The following SKAP1 variants were observed in gnomAD, a reference collection of about 807,000 sequenced individuals.
SKAP1 encodes src kinase-associated phosphoprotein 1.
In SKAP1, 44 loss-of-function variants were observed where a neutral mutation model predicts 58.5. That is an observed-to-expected ratio of 0.75 (90% confidence interval 0.59 to 0.97). The LOEUF (loss-of-function observed/expected upper bound fraction) is 0.97. Ranked by LOEUF, SKAP1 falls within the 50% of genes least tolerant of loss-of-function variation. The pLI is 0.00. For synonymous variants in SKAP1, 127 were observed against 149.7 expected (o/e 0.85, Z 1.11); for missense variants, 390 against 435.2 (o/e 0.90, Z 0.92).
intron 4 of SKAP1, among the ~76,000 whole-genome samples, chr17:48,251,745 T>C (rs568633566): frequency 6.6e-6 from 1 of 152,286 alleles, no homozygotes; most frequent in Admixed American, 6.5e-5. Context: ...AGATTAGAAA[T>C]TTCATGTATC....
At chr17:48,171,319 T>C (rs540047697) in intron 9 of SKAP1, among the ~76,000 whole-genome samples, 1 of 152,142 alleles carries the variant, frequency 6.6e-6, no homozygotes, top group Non-Finnish European at 1.5e-5. Flanking sequence ...TTGATCAGGC[T>C]GGTCTCAAAC....
intron 4 of SKAP1, among the ~76,000 whole-genome samples, chr17:48,321,920 C>T (rs1489785124): frequency 6.6e-6 from 1 of 152,214 alleles, no homozygotes; most frequent in Non-Finnish European, 1.5e-5. Flanking sequence ...TCTTCACAAT[C>T]CATACCCAAA....
At chr17:48,257,973 A>C (rs1210129279) in intron 4 of SKAP1, among the ~76,000 whole-genome samples, 1 of 152,056 alleles carries the variant, frequency 6.6e-6, no homozygotes, top group African/African-American at 2.4e-5. Context: ...AAGCGACCCA[A>C]CATTAGAAAT....
At chr17:48,341,264 CT>C (rs931867192) in intron 4 of SKAP1, among the ~76,000 whole-genome samples, 1 of 152,146 alleles carries the variant, frequency 6.6e-6, no homozygotes, top group African/African-American at 2.4e-5. Flanking sequence ...TTAAGACAAA[CT>C]TGAACTCTGG....
intron 1 of SKAP1, among the ~76,000 whole-genome samples, chr17:48,416,021 G>C (rs1476803343): frequency 6.6e-6 from 1 of 152,152 alleles, no homozygotes; most frequent in Admixed American, 6.5e-5. Context: ...TTGAAAAGTA[G>C]TTTTTAAAAA....
intron 4 of SKAP1, among the ~76,000 whole-genome samples, chr17:48,252,529 C>T (rs1480120110): frequency 6.6e-6 from 1 of 152,124 alleles, no homozygotes; most frequent in African/African-American, 2.4e-5. Flanking sequence ...CTAGGAAAAT[C>T]CTTAAAATGA....
intron 4 of SKAP1, among the ~76,000 whole-genome samples, chr17:48,262,789 T>C (rs1402100499): frequency 6.6e-6 from 1 of 152,212 alleles, no homozygotes; most frequent in Non-Finnish European, 1.5e-5. Flanking sequence ...TTTTCCATGC[T>C]TTCCTGTCCC....
In SKAP1 at chr17:48,331,702, G is replaced by GAA. The variant is rs79313967; in HGVS notation, c.280+14201_280+14202dup. Reference sequence around the variant, plus strand: ...AAAAAGAGCGAAACTCCGTCTCAAGGAAAAAAAAAAAAAGATAATCATATA... The same window carrying GAA: ...AAAAAGAGCGAAACTCCGTCTCAAGGAAAAAAAAAAAAAAAGATAATCATATA... On this transcript the variant is annotated intron_variant, in intron 4 of 12. Coordinates refer to ENST00000336915, the MANE Select transcript of SKAP1 (RefSeq NM_003726.4). Among the ~76,000 whole-genome samples the GAA allele has an allele frequency of 1.3e-4, 18 of 133,844 alleles. 1 individual carries two copies. Among genetic ancestry groups the GAA allele is most frequent in the Admixed American group, 1.1e-3 (15 of 13,424 alleles). 87.8% of individuals were successfully genotyped at this position (133,844 alleles called of 152,430 possible). A position where few individuals can be genotyped will look rare whatever the true frequency, so the allele number is the denominator to read the frequency against.
chr17:48,256,608 G>C (rs546801100), intron 4 of SKAP1, among the ~76,000 whole-genome samples: 74 of 152,164 alleles, frequency 4.9e-4, no homozygotes, highest in African/African-American at 1.6e-3. Flanking sequence ...CTCATGCAGA[G>C]AAATTCCCCT....
chr17:48,352,072 CAAGAA>C (rs1260754973), intron 3 of SKAP1, among the ~76,000 whole-genome samples: 3 of 108,456 alleles, frequency 2.8e-5, no homozygotes, highest in Non-Finnish European at 5.8e-5. Context: ...GAAAAAGAAA[CAAGAA>C]AAGAGAAAAA....
In SKAP1 at chr17:48,332,085, TTA is replaced by T. The variant is rs1217954702; in HGVS notation, c.280+13818_280+13819del. Reference sequence around the variant, plus strand: ...CCTTTTTAAAAACTACCTCATGATTTTAGTTTGTTTTTTAAAAGCACTTTTAA... The same window carrying T: ...CCTTTTTAAAAACTACCTCATGATTTGTTTGTTTTTTAAAAGCACTTTTAA... On this transcript the variant is annotated intron_variant, in intron 4 of 12. Coordinates refer to ENST00000336915, the MANE Select transcript of SKAP1 (RefSeq NM_003726.4). 7.9e-5 allele frequency among the ~76,000 whole-genome samples: 12 copies of T among 152,210 alleles called. No homozygotes were observed. In the East Asian group the frequency reaches 2.1e-3, roughly 27 times the overall value.
At chr17:48,250,700 T>C (rs2065354362) in intron 4 of SKAP1, among the ~76,000 whole-genome samples, 1 of 152,200 alleles carries the variant, frequency 6.6e-6, no homozygotes, top group Non-Finnish European at 1.5e-5. Context: ...AAAGTAATAA[T>C]TCTTTATTTT....
intron 2 of SKAP1, among the ~76,000 whole-genome samples, chr17:48,365,623 T>C (rs148567894): frequency 6.6e-6 from 1 of 152,252 alleles, no homozygotes; most frequent in African/African-American, 2.4e-5. Context: ...CTCATTTTAT[T>C]CCCTCACTGC....
Position 48,396,722 on chromosome 17 carries a change from T to C in SKAP1, c.110A>G (p.His37Arg). ...NENLSAVARDHRDHILRGFQQ... is the reference protein window; with the variant it reads ...NENLSAVARDRRDHILRGFQQ... The stretch of plus-strand genomic sequence containing the variant: ...AAAGCCCCGTAGAATATGGTCTCTG[T>C]GATCCCTTGCAACAGCGCTGAGGTT... Residue 37 changes from histidine to arginine, a missense_variant, in exon 2 of 13, where the codon CAC (histidine) becomes CGC (arginine). Coordinates refer to ENST00000336915, the MANE Select transcript of SKAP1 (RefSeq NM_003726.4). 1 of 1,613,730 alleles carries C rather than the reference T, an allele frequency of 6.2e-7. No homozygotes were observed.
intron 4 of SKAP1, among the ~76,000 whole-genome samples, chr17:48,294,129 G>C (rs1321083679): frequency 6.6e-6 from 1 of 152,166 alleles, no homozygotes; most frequent in Non-Finnish European, 1.5e-5. Context: ...TCTTAACAAA[G>C]CTTCAGGGGG....
At chr17:48,420,319 ATAT>A (rs143584601) in intron 1 of SKAP1, among the ~76,000 whole-genome samples, 1 of 152,324 alleles carries the variant, frequency 6.6e-6, no homozygotes, top group African/African-American at 2.4e-5. Context: ...TTAGGTAAAA[ATAT>A]TATCTTAATA....
rs1484605525 is a variant in SKAP1 at position 48,430,127 on chromosome 17, G to A, written c.-7C>T. 1.1e-5 allele frequency: 14 copies of A among 1,261,730 alleles called. No homozygotes were observed. Among genetic ancestry groups the A allele is most frequent in the Middle Eastern group, 4.2e-4 (2 of 4,780 alleles). 78.2% of individuals were successfully genotyped at this position (1,261,730 alleles called of 1,614,324 possible). Reference sequence around the variant, plus strand: ...GGAGGGCGGCGGCCTGCATTTGGCTGGGCGGGAGAGAGGCGGGACGGGGCG... The same window carrying A: ...GGAGGGCGGCGGCCTGCATTTGGCTAGGCGGGAGAGAGGCGGGACGGGGCG... On this transcript the variant is annotated 5_prime_UTR_variant, in exon 1 of 13. Coordinates refer to ENST00000336915, the MANE Select transcript of SKAP1 (RefSeq NM_003726.4).
chr17:48,211,014 G>C (rs986191556), intron 4 of SKAP1, among the ~76,000 whole-genome samples: 1 of 152,076 alleles, frequency 6.6e-6, no homozygotes, highest in Non-Finnish European at 1.5e-5. Context: ...AAAAAGACTG[G>C]GGGGAGGCAC....
intron 4 of SKAP1, among the ~76,000 whole-genome samples, chr17:48,311,876 C>T (rs1351516199): frequency 1.3e-5 from 2 of 152,104 alleles, no homozygotes; most frequent in Non-Finnish European, 2.9e-5. Context: ...CAAGAAGAAA[C>T]CCCAGGATAA....
Sources: allele counts gnomAD v4.1 joint callset (sites outside exome capture counted in the v4.1 genomes callset), GRCh38; gene constraint gnomAD v4.1.1; transcripts MANE v1.5; gene names NCBI Gene and HGNC (gene_info 2026-07-23, HGNC 2026-07-21).